Variants in AKAP13 observed in about 807,000 individuals in gnomAD.
AKAP13 encodes A-kinase anchor protein 13.
A neutral mutation model predicts 264.5 loss-of-function variants in AKAP13; 80 were observed. The ratio of observed to expected loss-of-function variants is 0.30; its 90% confidence interval spans 0.25 to 0.36. AKAP13 has a LOEUF of 0.36. Among genes scored for constraint, AKAP13 ranks in the 10% least tolerant of loss-of-function variants. AKAP13 has a pLI of 1.00. For synonymous variants in AKAP13, 1,380 were observed against 1,250.2 expected (o/e 1.10, Z -2.19); for missense variants, 3,712 against 3,435.2 (o/e 1.08, Z -2.01).
intron 33 of AKAP13, among the ~76,000 whole-genome samples, chr15:85,736,489 A>G (rs1477210259): frequency 6.6e-6 from 1 of 151,766 alleles, no homozygotes; most frequent in Non-Finnish European, 1.5e-5. Context: ...GCTCGCTGCA[A>G]CCTCTACCTC....
At chr15:85,417,261 T>TA (rs1239342538) in intron 1 of AKAP13, among the ~76,000 whole-genome samples, 1 of 152,202 alleles carries the variant, frequency 6.6e-6, no homozygotes, top group Non-Finnish European at 1.5e-5. Flanking sequence ...CAGTAGTTTT[T>TA]AGACTTTGAG....
At chr15:85,666,541 A>T (rs1177222189) in intron 13 of AKAP13, among the ~76,000 whole-genome samples, 2 of 151,994 alleles carry the variant, frequency 1.3e-5, no homozygotes, top group Non-Finnish European at 2.9e-5. Flanking sequence ...TCTTTTTAAA[A>T]TTTTATTTAT....
chr15:85,716,234 A>T (rs904176900), intron 20 of AKAP13, among the ~76,000 whole-genome samples: 1 of 152,184 alleles, frequency 6.6e-6, no homozygotes, highest in Non-Finnish European at 1.5e-5. Flanking sequence ...AGGAATAGGA[A>T]AAAGGGTGAT....
At chr15:85,525,244 G>C (rs2076991606) in intron 3 of AKAP13, among the ~76,000 whole-genome samples, 1 of 151,862 alleles carries the variant, frequency 6.6e-6, no homozygotes, top group Non-Finnish European at 1.5e-5. Flanking sequence ...ATTTTTAGTA[G>C]AGACAGGGTT....
chr15:85,482,403 T>G (rs1762793956), intron 1 of AKAP13, among the ~76,000 whole-genome samples: 1 of 152,206 alleles, frequency 6.6e-6, no homozygotes, highest in Non-Finnish European at 1.5e-5. Context: ...TAGAATAATA[T>G]CTATGAAGGT....
intron 14 of AKAP13, among the ~76,000 whole-genome samples, chr15:85,671,433 C>CAAAAAAAAAA (rs11296113): frequency 1.4e-5 from 1 of 70,566 alleles, no homozygotes; most frequent in Non-Finnish European, 3.0e-5. Context: ...GACACTGCCT[C>CAAAAAAAAAA]AAAAAAAAAA....
At chr15:85,472,368 A>G (rs1225006461) in intron 1 of AKAP13, among the ~76,000 whole-genome samples, 1 of 151,828 alleles carries the variant, frequency 6.6e-6, no homozygotes, top group Admixed American at 6.6e-5. Context: ...AAAGACAACA[A>G]CTCAACAAAT....
chr15:85,703,977 T>C (rs2086086315), intron 17 of AKAP13, among the ~76,000 whole-genome samples: 1 of 152,206 alleles, frequency 6.6e-6, no homozygotes, highest in African/African-American at 2.4e-5. Flanking sequence ...CATGCATTTC[T>C]AAATTTGCTC....
At position 85,521,296 on chromosome 15, in the gene AKAP13, T is replaced by G. The variant is rs1342965283; in HGVS notation, c.34-132T>G. Reference sequence around the variant, plus strand: ...TATAAGTGCTCAATCTTTATACTTGTTTCAGCTTACCAGAATGGGGGCATG... The same window carrying G: ...TATAAGTGCTCAATCTTTATACTTGGTTCAGCTTACCAGAATGGGGGCATG... On this transcript the variant is annotated intron_variant, in intron 2 of 36. Coordinates refer to ENST00000394518, the MANE Select transcript of AKAP13 (RefSeq NM_007200.5). The G allele has an allele frequency of 7.4e-6, 8 of 1,083,404 alleles. No individual in the cohort carries two copies. In the East Asian group the frequency reaches 1.9e-4, roughly 26 times the overall value. 67.1% of individuals were successfully genotyped at this position (1,083,404 alleles called of 1,614,324 possible). A position where few individuals can be genotyped will look rare whatever the true frequency, so the allele number is the denominator to read the frequency against.
At chr15:85,675,389 C>T (rs1185940065) in intron 14 of AKAP13, among the ~76,000 whole-genome samples, 1 of 152,190 alleles carries the variant, frequency 6.6e-6, no homozygotes, top group Non-Finnish European at 1.5e-5. Context: ...TAGCATTTAT[C>T]TGGGGTATGG....
rs781478383 is a variant in AKAP13, at chr15:85,741,115, C to T, written c.7678C>T (p.Arg2560Cys). Residue 2560 changes from arginine to cysteine, a missense_variant, in exon 35 of 37, where the codon CGC becomes TGC. Arg to Cys is a radical substitution (Grantham distance 180, BLOSUM62 -3). Coordinates refer to ENST00000394518, the MANE Select transcript of AKAP13 (RefSeq NM_007200.5). ...GGTGCTGAGCGAGAGGGCGCTCACTCGCAGCTTGTCCCGCCCGAGCTCCCT... is the reference window on the plus strand; with the variant it reads ...GGTGCTGAGCGAGAGGGCGCTCACTTGCAGCTTGTCCCGCCCGAGCTCCCT... ...KLVLSERALTRSLSRPSSLIE... is the reference protein window; with the variant it reads ...KLVLSERALTCSLSRPSSLIE... 6 of 1,613,652 alleles carry T rather than the reference C, an allele frequency of 3.7e-6. No individual in the cohort carries two copies. Among genetic ancestry groups the T allele is most frequent in the South Asian group, 1.1e-5 (1 of 91,056 alleles).
rs190806835 is a variant in AKAP13 at position 85,746,682 on chromosome 15, C to G, written c.*2005C>G. 1 of 152,170 alleles carries G rather than the reference C, an allele frequency of 6.6e-6. No individual in the cohort carries two copies. Among genetic ancestry groups the G allele is most frequent in the Non-Finnish European group, 1.5e-5 (1 of 68,046 alleles). The allele number at this position is 152,170 out of a possible 1,614,324, so 9.4% of individuals were successfully genotyped here. On this transcript the variant is annotated 3_prime_UTR_variant, in exon 37 of 37. Transcript: ENST00000394518. ...CAAAAAGTTAAGTTTCTTTCTTTCA[C>G]CTATTTGTACAACTCCAAGTTACAG...
At chr15:85,412,515 A>C (rs529029670) in intron 1 of AKAP13, among the ~76,000 whole-genome samples, 36 of 152,334 alleles carry the variant, frequency 2.4e-4, no homozygotes, top group Non-Finnish European at 4.3e-4. Flanking sequence ...TTTTCATAAA[A>C]GTATGTTTAT....
At position 85,380,681 on chromosome 15, in the gene AKAP13, G is replaced by C. The variant is rs2083375926; in HGVS notation, c.-129G>C. 6.6e-6 allele frequency: 1 copy of C among 152,490 alleles called. No individual in the cohort carries two copies. The highest frequency in any genetic ancestry group is 2.4e-5 in the African/African-American group (1 of 41,442). 9.4% of individuals were successfully genotyped at this position (152,490 alleles called of 1,614,324 possible). A position where few individuals can be genotyped will look rare whatever the true frequency, so the allele number is the denominator to read the frequency against. On this transcript the variant is annotated 5_prime_UTR_variant, in exon 1 of 37. Coordinates refer to ENST00000394518, the MANE Select transcript of AKAP13 (RefSeq NM_007200.5). ...GCCGAGACTGCCGTGCCCATTGCTC[G>C]CCTCGGTCGCCGCCGCTTTAGCCGC...
chr15:85,497,376 G>T (rs1332099688), intron 2 of AKAP13, among the ~76,000 whole-genome samples: 1 of 152,166 alleles, frequency 6.6e-6, no homozygotes, highest in Non-Finnish European at 1.5e-5. Flanking sequence ...TTCATGGCAG[G>T]GAGAGAGGAA....
At chr15:85,630,705 AAT>A (rs1165526938) in intron 8 of AKAP13, among the ~76,000 whole-genome samples, 1 of 152,198 alleles carries the variant, frequency 6.6e-6, no homozygotes, top group African/African-American at 2.4e-5. Flanking sequence ...TAGATTTTAA[AAT>A]AGATTTTTCC....
At chr15:85,476,355 GTA>G (rs1159346875) in intron 1 of AKAP13, among the ~76,000 whole-genome samples, 1 of 152,176 alleles carries the variant, frequency 6.6e-6, no homozygotes, top group Non-Finnish European at 1.5e-5. Context: ...CTGTTGGAAT[GTA>G]TATTTTCCTC....
chr15:85,405,403 A>G (rs1248595426), intron 1 of AKAP13, among the ~76,000 whole-genome samples: 1 of 152,220 alleles, frequency 6.6e-6, no homozygotes, highest in African/African-American at 2.4e-5. Context: ...AAAATCCATG[A>G]TTCACATACT....
intron 4 of AKAP13, among the ~76,000 whole-genome samples, chr15:85,541,407 A>G (rs974092424): frequency 6.6e-6 from 1 of 152,192 alleles, no homozygotes; most frequent in South Asian, 2.1e-4. Flanking sequence ...GTGTCTGGCT[A>G]TTTGCTGTGT....
Sources: gnomAD v4.1 joint callset for allele counts (sites outside exome capture counted in the v4.1 genomes callset) on GRCh38, gnomAD v4.1.1 for gene constraint, MANE v1.5 for transcripts, NCBI Gene and HGNC (gene_info 2026-07-23, HGNC 2026-07-21) for gene names.